The following DPP10 variants were observed in gnomAD, a reference collection of about 807,000 sequenced individuals.
DPP10 encodes the protein inactive dipeptidyl peptidase 10.
Under a neutral mutation model 120.9 loss-of-function variants are expected in DPP10, and 33 were observed. The ratio of observed to expected loss-of-function variants is 0.27; its 90% CI spans 0.21 to 0.37. DPP10 has a LOEUF of 0.37. Ranked by LOEUF, DPP10 falls within the 10% of genes least tolerant of loss-of-function variation. The pLI, the probability that DPP10 is intolerant of heterozygous loss-of-function variation, is 1.00. For missense variants in DPP10, 816 were observed against 942.8 expected (o/e 0.87, Z 1.76); for synonymous variants, 337 against 326.1 (o/e 1.03, Z -0.36).
intron 5 of DPP10, among the ~76,000 whole-genome samples, chr2:115,603,168 G>A (rs1267707729): frequency 2.2e-5 from 3 of 135,464 alleles, no homozygotes; most frequent in Admixed American, 8.2e-5. Flanking sequence ...GTGTGTGTGT[G>A]TATAGTCATC....
intron 5 of DPP10, among the ~76,000 whole-genome samples, chr2:115,606,603 A>C (rs1199680420): frequency 6.6e-6 from 1 of 152,154 alleles, no homozygotes; most frequent in East Asian, 1.9e-4. Context: ...ATTTTGAGTA[A>C]AGTGAACCTA....
chr2:115,529,311 A>G (rs948072782), intron 5 of DPP10, among the ~76,000 whole-genome samples: 11 of 152,060 alleles, frequency 7.2e-5, no homozygotes, highest in African/African-American at 2.4e-4. Flanking sequence ...CTGGGATTAC[A>G]GGCATGCACC....
intron 1 of DPP10, among the ~76,000 whole-genome samples, chr2:114,458,267 A>T (rs1678689849): frequency 1.3e-5 from 2 of 152,110 alleles, no homozygotes; most frequent in South Asian, 4.1e-4. Context: ...TTGCTTGGCA[A>T]TCTTCAAATT....
chr2:115,569,781 A>C (rs1275484141), intron 5 of DPP10, among the ~76,000 whole-genome samples: 1 of 152,248 alleles, frequency 6.6e-6, no homozygotes, highest in Non-Finnish European at 1.5e-5. Context: ...GAGTCACTGG[A>C]GTAAACCAGG....
chr2:115,478,422 A>T (rs942222617), intron 3 of DPP10, among the ~76,000 whole-genome samples: 1 of 152,224 alleles, frequency 6.6e-6, no homozygotes, highest in African/African-American at 2.4e-5. Flanking sequence ...TGAATCTATC[A>T]CTTAAGTGTT....
Position 114,582,623 on chromosome 2 carries a change from T to C in DPP10, c.60+139785T>C, listed in dbSNP as rs1234412980. ...ATTTGGTGTTGTCAGTGATCTGGAT[T>C]TTGGCCATTCTAGTGCGTATGTAGT... On this transcript the variant is annotated intron_variant, in intron 1 of 25. Coordinates refer to ENST00000410059, the MANE Select transcript of DPP10 (RefSeq NM_020868.6). Among the ~76,000 whole-genome samples, 5 of 152,348 alleles carry C rather than the reference T, an allele frequency of 3.3e-5. 1 individual carries two copies. The East Asian group carries it at 9.6e-4, about 29-fold the overall frequency.
chr2:115,455,303 G>A (rs1055355227), intron 3 of DPP10, among the ~76,000 whole-genome samples: 1 of 151,652 alleles, frequency 6.6e-6, no homozygotes, highest in Non-Finnish European at 1.5e-5. Flanking sequence ...GGTAGAAATT[G>A]ATGAGCTGGT....
intron 20 of DPP10, 108 bp downstream of exon 20, chr2:115,815,095 G>T: frequency 8.9e-7 from 1 of 1,129,156 alleles, no homozygotes; most frequent in Non-Finnish European, 1.2e-6. Context: ...TAGTGATTGA[G>T]CAATTTTGTA....
intron 1 of DPP10, among the ~76,000 whole-genome samples, chr2:114,867,478 G>A (rs1690331309): frequency 6.6e-6 from 1 of 152,204 alleles, no homozygotes; most frequent in South Asian, 2.1e-4. Context: ...TAGGTAGAAG[G>A]TGTCATCCAA....
intron 1 of DPP10, among the ~76,000 whole-genome samples, chr2:115,269,640 G>A (rs939561552): frequency 6.6e-6 from 1 of 152,104 alleles, no homozygotes; most frequent in Non-Finnish European, 1.5e-5. Context: ...ATGGCAACTG[G>A]TTTCTCCATG....
intron 1 of DPP10, among the ~76,000 whole-genome samples, chr2:114,673,529 C>T (rs1325985999): frequency 6.6e-6 from 1 of 151,914 alleles, no homozygotes; most frequent in Non-Finnish European, 1.5e-5. Context: ...AATCTTGGCT[C>T]ACTGCAACCT....
At chr2:115,483,094 A>G (rs1039485642) in intron 3 of DPP10, among the ~76,000 whole-genome samples, 6 of 152,096 alleles carry the variant, frequency 3.9e-5, no homozygotes, top group Admixed American at 6.6e-5. Flanking sequence ...ATCTGATAAC[A>G]GGATGAAATG....
At position 115,768,322 on chromosome 2, in the gene DPP10, A is replaced by G. The variant is rs756862048; in HGVS notation, c.1139A>G (p.Asp380Gly). 4 of 1,613,606 alleles carry G rather than the reference A, an allele frequency of 2.5e-6. No homozygotes were observed. Among genetic ancestry groups the G allele is most frequent in the Non-Finnish European group, 3.4e-6 (4 of 1,179,692 alleles). ...AATGAGGAGCCCGTGTTTTCTAGAGACGGCAGCAAATTCTTTATGACAGTG... is the reference window on the plus strand; with the variant it reads ...AATGAGGAGCCCGTGTTTTCTAGAGGCGGCAGCAAATTCTTTATGACAGTG... ...QQNEEPVFSRDGSKFFMTVPV... is the reference protein window; with the variant it reads ...QQNEEPVFSRGGSKFFMTVPV... The change falls in exon 13 of 26, where the codon GAC becomes GGC. Residue 380 changes from aspartate (D) to glycine (G), a missense_variant. Around this residue, in one of 3 missense-constraint regions of DPP10, gnomAD observed 592 missense variants for 649.0 expected, o/e 0.91. Transcript: ENST00000410059.
At chr2:115,377,554 T>C (rs923889608) in intron 3 of DPP10, among the ~76,000 whole-genome samples, 1 of 152,208 alleles carries the variant, frequency 6.6e-6, no homozygotes, top group African/African-American at 2.4e-5. Flanking sequence ...CTCTTTAGTT[T>C]AATTAGATCC....
intron 3 of DPP10, among the ~76,000 whole-genome samples, chr2:115,382,744 T>C (rs1181669747): frequency 6.6e-6 from 1 of 152,244 alleles, no homozygotes; most frequent in African/African-American, 2.4e-5. Context: ...TTTTCCCTTA[T>C]TGCCACTTTC....
intron 1 of DPP10, among the ~76,000 whole-genome samples, chr2:115,257,027 C>G (rs1016716771): frequency 6.6e-6 from 1 of 152,204 alleles, no homozygotes; most frequent in Non-Finnish European, 1.5e-5. Flanking sequence ...GACCTTTGCT[C>G]CAGTTCCCAG....
intron 15 of DPP10, among the ~76,000 whole-genome samples, chr2:115,779,044 C>G (rs1243593518): frequency 6.6e-6 from 1 of 152,012 alleles, no homozygotes; most frequent in African/African-American, 2.4e-5. Context: ...GATAGAAACA[C>G]TTTATATCTT....
rs1430089 is a variant in DPP10 at position 114,466,407 on chromosome 2, G to T, written c.60+23569G>T. On this transcript the variant is annotated intron_variant, in intron 1 of 25. Transcript: ENST00000410059. ...TAACAATTCAAATCATCATGGAAAG[G>T]ATGGACCATAGCAAAGGGTCTTTAT... is the stretch of plus-strand genomic sequence containing the variant. Among the ~76,000 whole-genome samples, 4 of 151,986 alleles carry T rather than the reference G, an allele frequency of 2.6e-5. No homozygotes were observed. In the East Asian group the frequency reaches 7.7e-4, roughly 29 times the overall value.
chr2:114,533,045 C>T (rs890669793), intron 1 of DPP10, among the ~76,000 whole-genome samples: 1 of 152,154 alleles, frequency 6.6e-6, no homozygotes, highest in Non-Finnish European at 1.5e-5. Context: ...AGCACATTGA[C>T]AAGACAAAGT....
Sources: allele counts gnomAD v4.1 joint callset (sites outside exome capture counted in the v4.1 genomes callset), GRCh38; gene constraint gnomAD v4.1.1; regional missense constraint gnomAD v4.1.1; transcripts MANE v1.5; gene names NCBI Gene and HGNC (gene_info 2026-07-23, HGNC 2026-07-21).